NEBL: variants seen among roughly 807,000 people sequenced by gnomAD.
NEBL encodes LIM and SH3 protein 2.
Under a neutral mutation model 140.2 loss-of-function variants are expected in NEBL, and 122 were observed. That is an observed-to-expected ratio of 0.87 (90% CI 0.75 to 1.01). The LOEUF (loss-of-function observed/expected upper bound fraction) is 1.01, where lower values mean the gene tolerates loss of function less well. Among genes scored for constraint, NEBL ranks in the 50% least tolerant of loss-of-function variants. NEBL has a pLI of 0.00. For missense variants in NEBL, 1,365 were observed against 1,231.3 expected, an observed-to-expected ratio of 1.11 and a Z score of -1.62; for synonymous variants, 436 against 398.9, an observed-to-expected ratio of 1.09 and a Z score of -1.11.
At chr10:21,244,853 T>C (rs1842496028) in intron 3 of NEBL, among the ~76,000 whole-genome samples, 1 of 150,734 alleles carries the variant, frequency 6.6e-6, no homozygotes, top group African/African-American at 2.4e-5. Flanking sequence ...CTCTAAAAAA[T>C]AAAAGTAAAA....
intron 4 of NEBL, among the ~76,000 whole-genome samples, chr10:20,918,939 G>C (rs549297269): frequency 6.6e-6 from 1 of 152,028 alleles, no homozygotes; most frequent in South Asian, 2.1e-4. Context: ...ATAATAAAGC[G>C]AAACATTATG....
intron 1 of NEBL, among the ~76,000 whole-genome samples, chr10:21,284,696 C>T (rs913385591): frequency 2.0e-5 from 3 of 152,174 alleles, no homozygotes; most frequent in African/African-American, 7.2e-5. Context: ...CTTGGTTCTA[C>T]TCTGAAGAAG....
In NEBL at chr10:21,267,274, C is replaced by A. The variant is rs567278612; in HGVS notation, n.183-15446G>T. On this transcript the variant is annotated intron_variant and non_coding_transcript_variant, in intron 1 of 8. Transcript: ENST00000675702. ...TACAGGCATGAGCCACCACACCTGG[C>A]CTCTAATTTTTGTTTTTTCAGTAAA... Among the ~76,000 whole-genome samples, 6 of 150,208 alleles carry A rather than the reference C, an allele frequency of 4.0e-5. No individual in the cohort carries two copies. In the South Asian group the frequency reaches 1.3e-3, roughly 32 times the overall value.
At chr10:21,046,243 G>C (rs1218470714) in intron 2 of NEBL, among the ~76,000 whole-genome samples, 1 of 152,222 alleles carries the variant, frequency 6.6e-6, no homozygotes, top group African/African-American at 2.4e-5. Flanking sequence ...GAGGAATAGG[G>C]AGATGTTGGT....
At chr10:20,810,596 C>T (rs1838044718) in intron 24 of NEBL, among the ~76,000 whole-genome samples, 1 of 152,274 alleles carries the variant, frequency 6.6e-6, no homozygotes, top group Non-Finnish European at 1.5e-5. Flanking sequence ...GGATCCCTGC[C>T]ATAGTCAGTG....
At chr10:20,945,807 A>G (rs1320664761) in intron 4 of NEBL, among the ~76,000 whole-genome samples, 1 of 152,216 alleles carries the variant, frequency 6.6e-6, no homozygotes, top group Non-Finnish European at 1.5e-5. Context: ...CCTGGTGTAG[A>G]GGATTCAAGT....
intron 3 of NEBL, among the ~76,000 whole-genome samples, chr10:20,989,333 G>C (rs1789433942): frequency 6.6e-6 from 1 of 152,058 alleles, no homozygotes; most frequent in Non-Finnish European, 1.5e-5. Flanking sequence ...TTCCAAAGGT[G>C]ATCATTCAAA....
chr10:21,136,212 C>A (rs554419069), intron 2 of NEBL, among the ~76,000 whole-genome samples: 7 of 152,172 alleles, frequency 4.6e-5, no homozygotes, highest in Non-Finnish European at 1.0e-4. Context: ...GTTCCTCAGT[C>A]CACTCCACAC....
intron 3 of NEBL, among the ~76,000 whole-genome samples, chr10:21,193,666 G>T (rs577489872): frequency 3.9e-5 from 6 of 152,254 alleles, no homozygotes; most frequent in Non-Finnish European, 7.4e-5. Flanking sequence ...AGTAATAATT[G>T]ATAATAATTA....
chr10:21,208,680 A>G (rs1219571092), intron 3 of NEBL, among the ~76,000 whole-genome samples: 2 of 152,120 alleles, frequency 1.3e-5, no homozygotes, highest in Admixed American at 6.5e-5. Flanking sequence ...ACTATTCCCT[A>G]TGGCCCCTGT....
intron 3 of NEBL, among the ~76,000 whole-genome samples, chr10:21,244,643 ACT>A (rs1358512918): frequency 6.6e-6 from 1 of 151,582 alleles, no homozygotes; most frequent in Admixed American, 6.6e-5. Context: ...AAAGAGCAAG[ACT>A]CTGTCTCAAA....
intron 2 of NEBL, among the ~76,000 whole-genome samples, chr10:21,087,898 G>T (rs1836713386): frequency 6.6e-6 from 1 of 152,152 alleles, no homozygotes; most frequent in Non-Finnish European, 1.5e-5. Context: ...ATGGCTCTTG[G>T]TACACTCTGA....
chr10:21,241,058 A>G (rs1409278379), intron 3 of NEBL, among the ~76,000 whole-genome samples: 2 of 151,820 alleles, frequency 1.3e-5, no homozygotes, highest in East Asian at 3.9e-4. Flanking sequence ...CTTTATTTTT[A>G]TCAGCTTCAC....
At chr10:21,142,033 G>A (rs546335989) in intron 2 of NEBL, among the ~76,000 whole-genome samples, 6 of 152,202 alleles carry the variant, frequency 3.9e-5, no homozygotes, top group African/African-American at 9.6e-5. Context: ...CAGCCTGGCC[G>A]GGATTAAAGG....
At chr10:20,905,040 AT>A (rs1479051042) in intron 4 of NEBL, among the ~76,000 whole-genome samples, 1 of 152,230 alleles carries the variant, frequency 6.6e-6, no homozygotes, top group Non-Finnish European at 1.5e-5. Context: ...AGGAGGAAAA[AT>A]ATCACACATT....
At chr10:21,012,888 C>A (rs1838401258) in intron 3 of NEBL, among the ~76,000 whole-genome samples, 2 of 152,136 alleles carry the variant, frequency 1.3e-5, no homozygotes, top group Non-Finnish European at 2.9e-5. Context: ...AAAGGACCAA[C>A]TTTCCAGGCC....
chr10:21,107,227 T>G (rs758392986), intron 2 of NEBL, among the ~76,000 whole-genome samples: 7 of 152,200 alleles, frequency 4.6e-5, no homozygotes, highest in African/African-American at 1.2e-4. Flanking sequence ...ACGTTGAATA[T>G]GAGTGGTGAG....
intron 4 of NEBL, among the ~76,000 whole-genome samples, chr10:20,913,661 G>T (rs1267449478): frequency 6.6e-6 from 1 of 151,830 alleles, no homozygotes; most frequent in Admixed American, 6.6e-5. Context: ...AGCATCAGAT[G>T]GTATATTTGA....
At chr10:21,287,747 C>T (rs1843077377) in intron 1 of NEBL, among the ~76,000 whole-genome samples, 1 of 151,892 alleles carries the variant, frequency 6.6e-6, no homozygotes, top group Non-Finnish European at 1.5e-5. Flanking sequence ...AAAATCAAGA[C>T]TGAAAATAAA....
Sources: gnomAD v4.1 joint callset for allele counts (sites outside exome capture counted in the v4.1 genomes callset) on GRCh38, gnomAD v4.1.1 for gene constraint, MANE v1.5 for transcripts, NCBI Gene and HGNC (gene_info 2026-07-23, HGNC 2026-07-21) for gene names.